AOPEP: variants seen among roughly 807,000 people sequenced by gnomAD.
AOPEP encodes the protein aminopeptidase O.
Under a neutral mutation model 98.1 loss-of-function variants are expected in AOPEP, and 77 were observed. The observed-to-expected ratio is 0.78, with a 90% CI of 0.65 to 0.95. AOPEP has a LOEUF of 0.95. Among genes scored for constraint, AOPEP ranks in the 40% least tolerant of loss-of-function variants. The pLI is 0.00. For synonymous variants in AOPEP, 346 were observed against 365.3 expected (o/e 0.95, Z 0.60); for missense variants, 1,024 against 1,024.7 (o/e 1.00, Z 0.01).
rs148316204 is a variant in AOPEP at position 94,756,192 on chromosome 9, G to A, written c.-135-3457G>A. On this transcript the variant is annotated intron_variant, in intron 1 of 16. Coordinates refer to ENST00000375315, the MANE Select transcript of AOPEP (RefSeq NM_001193329.3). ...GGAGAATGGCGTGAACCAGGGAGGC[G>A]GAGCTTACAGTGAGCTGAGATTGTG... Among the ~76,000 whole-genome samples the A allele has an allele frequency of 2.5e-3, 379 of 149,324 alleles. 3 individuals are homozygous for A. The highest frequency in any genetic ancestry group is 0.018 in the East Asian group (88 of 4,990).
intron 5 of AOPEP, among the ~76,000 whole-genome samples, chr9:94,877,582 G>C (rs1340333774): frequency 6.6e-6 from 1 of 151,868 alleles, no homozygotes; most frequent in Non-Finnish European, 1.5e-5. Context: ...CACCATACCT[G>C]GCTAACTTTT....
chr9:95,066,735 G>C (rs2067935820), intron 14 of AOPEP, among the ~76,000 whole-genome samples: 2 of 152,172 alleles, frequency 1.3e-5, no homozygotes, highest in Admixed American at 1.3e-4. Flanking sequence ...TGGAGATGGA[G>C]ATTTACACAT....
chr9:95,011,211 ATTTTTTTT>A (rs71366270), intron 13 of AOPEP, among the ~76,000 whole-genome samples: 14 of 112,784 alleles, frequency 1.2e-4, no homozygotes, highest in African/African-American at 3.0e-4. Context: ...CTAGCCATTG[ATTTTTTTT>A]TTTTTTTTTT....
intron 5 of AOPEP, among the ~76,000 whole-genome samples, chr9:94,897,677 T>C (rs978362298): frequency 6.6e-6 from 1 of 152,218 alleles, no homozygotes; most frequent in Non-Finnish European, 1.5e-5. Context: ...TCAAGTGTTC[T>C]AACAAATGTT....
chr9:94,775,246 TTG>T (rs1455231777), intron 3 of AOPEP, among the ~76,000 whole-genome samples: 1 of 152,162 alleles, frequency 6.6e-6, no homozygotes, highest in Non-Finnish European at 1.5e-5. Context: ...GGACTAAACA[TTG>T]TCTTTTTTTT....
intron 14 of AOPEP, among the ~76,000 whole-genome samples, chr9:95,075,411 T>G (rs934111127): frequency 6.6e-6 from 1 of 152,170 alleles, no homozygotes; most frequent in Non-Finnish European, 1.5e-5. Flanking sequence ...AAAACCGCCA[T>G]GAACAAAGTC....
chr9:94,762,341 G>A (rs572505576), intron 2 of AOPEP, among the ~76,000 whole-genome samples: 1 of 152,226 alleles, frequency 6.6e-6, no homozygotes, highest in Non-Finnish European at 1.5e-5. Flanking sequence ...CAGCCATTCG[G>A]GAGGCTGAGG....
intron 9 of AOPEP, among the ~76,000 whole-genome samples, chr9:94,960,003 G>A (rs999295755): frequency 6.6e-6 from 1 of 152,122 alleles, no homozygotes; most frequent in Admixed American, 6.6e-5. Context: ...TTTTCTAAAA[G>A]AATTTTTTAT....
chr9:94,849,981 G>A (rs1368347107), intron 5 of AOPEP, among the ~76,000 whole-genome samples: 1 of 150,274 alleles, frequency 6.7e-6, no homozygotes, highest in African/African-American at 2.5e-5. Context: ...GTTACAGTGA[G>A]CCAAGATCAT....
intron 1 of AOPEP, among the ~76,000 whole-genome samples, chr9:94,756,122 T>C (rs1346255441): frequency 6.6e-6 from 1 of 151,732 alleles, no homozygotes; most frequent in East Asian, 1.9e-4. Context: ...TAGCCGGGTG[T>C]GGTGGCGGGC....
intron 13 of AOPEP, among the ~76,000 whole-genome samples, chr9:95,042,949 T>C (rs1031325816): frequency 2.0e-5 from 3 of 152,118 alleles, no homozygotes; most frequent in African/African-American, 4.8e-5. Flanking sequence ...TAGGGTTTGA[T>C]AGTTGACAAA....
chr9:94,782,877 C>G (rs1354215429), intron 3 of AOPEP, among the ~76,000 whole-genome samples: 2 of 152,182 alleles, frequency 1.3e-5, no homozygotes, highest in Non-Finnish European at 2.9e-5. Flanking sequence ...GCTTACCCTC[C>G]TGGCACTGCG....
At chr9:94,996,202 G>A (rs2061218113) in intron 11 of AOPEP, among the ~76,000 whole-genome samples, 1 of 152,032 alleles carries the variant, frequency 6.6e-6, no homozygotes, top group South Asian at 2.1e-4. Flanking sequence ...AATTAATTCT[G>A]GCCCTTCCCA....
At chr9:95,081,874 G>A (rs1044353289) in intron 15 of AOPEP, among the ~76,000 whole-genome samples, 1 of 152,046 alleles carries the variant, frequency 6.6e-6, no homozygotes, top group Non-Finnish European at 1.5e-5. Context: ...AATGTAACTC[G>A]TGGCATAACT....
intron 5 of AOPEP, among the ~76,000 whole-genome samples, chr9:94,847,127 T>TACACACACACAC (rs57318947): frequency 2.8e-3 from 348 of 125,048 alleles, no homozygotes; most frequent in Middle Eastern, 0.016. Context: ...GTTCCCTTTG[T>TACACACACACAC]ACACACACAC....
intron 1 of AOPEP, among the ~76,000 whole-genome samples, chr9:94,741,395 C>G (rs1052503010): frequency 6.6e-6 from 1 of 152,024 alleles, no homozygotes; most frequent in South Asian, 2.1e-4. Context: ...GCTTCAGCCC[C>G]CCGAGTAGCT....
chr9:94,792,788 G>A lies in AOPEP; in HGVS notation c.988G>A (p.Val330Ile), dbSNP rs1846025669. The A allele has an allele frequency of 6.2e-7, 1 of 1,612,506 alleles. No homozygotes were observed. Among genetic ancestry groups the A allele is most frequent in the Non-Finnish European group, 8.5e-7 (1 of 1,179,152 alleles). ...AGAGTGCTCAAGCTGGTATTACTAT[G>A]TAACTATGCCAATGCCAGCCTCCAC... ...WEECSSWYYY[V>I]TMPMPASTFT... is the part of the protein sequence containing the mutation. The change falls in exon 4 of 17, where the codon GTA (valine) becomes ATA (isoleucine). Residue 330 changes from valine to isoleucine, a missense_variant. Coordinates refer to ENST00000375315, the MANE Select transcript of AOPEP (RefSeq NM_001193329.3).
At chr9:94,931,924 T>G (rs1242760495) in intron 7 of AOPEP, 3 of 1,141,818 alleles carry the variant, frequency 2.6e-6, no homozygotes, top group Non-Finnish European at 3.6e-6. Context: ...AGTCTCCACT[T>G]CAATAGCCCA....
chr9:95,049,965 A>G (rs552060346), intron 13 of AOPEP, among the ~76,000 whole-genome samples: 7 of 152,330 alleles, frequency 4.6e-5, no homozygotes, highest in Non-Finnish European at 1.0e-4. Flanking sequence ...TCCCCTATCA[A>G]CTTCAGGCTG....
Sources: gnomAD v4.1 joint callset for allele counts (sites outside exome capture counted in the v4.1 genomes callset) on GRCh38, gnomAD v4.1.1 for gene constraint, MANE v1.5 for transcripts, NCBI Gene and HGNC (gene_info 2026-07-23, HGNC 2026-07-21) for gene names.